NFKB1: variants seen among roughly 807,000 people sequenced by gnomAD.
NFKB1 encodes nuclear factor kappa B subunit 1, also known as nuclear factor NF-kappa-B p105 subunit.
Under a neutral mutation model 105.1 loss-of-function variants are expected in NFKB1, and 9 were observed. The ratio of observed to expected loss-of-function variants is 0.09; its 90% CI spans 0.05 to 0.15. The LOEUF (loss-of-function observed/expected upper bound fraction) is 0.15, where lower values mean the gene tolerates loss of function less well. Ranked by LOEUF, NFKB1 falls within the 10% of genes least tolerant of loss-of-function variation. NFKB1 has a pLI of 1.00. For missense variants in NFKB1, 830 were observed against 1,203.7 expected (o/e 0.69, Z 4.59); for synonymous variants, 440 against 442.2 (o/e 1.00, Z 0.06).
intron 11 of NFKB1, among the ~76,000 whole-genome samples, chr4:102,587,717 A>G (rs949315209): frequency 6.6e-6 from 1 of 152,150 alleles, no homozygotes; most frequent in African/African-American, 2.4e-5. Context: ...ATACTTACCC[A>G]TTGAGCTCTG....
At position 102,581,257 on chromosome 4, in the gene NFKB1, C is replaced by T. The variant is rs531347573; in HGVS notation, c.835+618C>T. Among the ~76,000 whole-genome samples, 9 of 152,230 alleles carry T rather than the reference C, an allele frequency of 5.9e-5. No individual in the cohort carries two copies. The South Asian group carries it at 8.3e-4, about 14-fold the overall frequency. On this transcript the variant is annotated intron_variant, in intron 9 of 23. Transcript: ENST00000226574. ...GAGGAAAATGTGTTATTTTCTCAAACTGCATTCTTTTTTTAAATAAAATGA... is the reference window on the plus strand; with the variant it reads ...GAGGAAAATGTGTTATTTTCTCAAATTGCATTCTTTTTTTAAATAAAATGA...
chr4:102,607,960 A>G (rs1238938809), intron 19 of NFKB1, among the ~76,000 whole-genome samples: 2 of 152,298 alleles, frequency 1.3e-5, no homozygotes, highest in East Asian at 3.9e-4. Flanking sequence ...TAGTCATTTT[A>G]GTTTTTACTT....
chr4:102,548,442 TG>T (rs1722308839), intron 5 of NFKB1, among the ~76,000 whole-genome samples: 1 of 151,784 alleles, frequency 6.6e-6, no homozygotes, highest in South Asian at 2.1e-4. Context: ...CGGGAGGAGG[TG>T]TAGTACTGGA....
In NFKB1 at chr4:102,582,794, T is replaced by G. The variant is rs1190467344; in HGVS notation, c.836-72T>G. On this transcript the variant is annotated intron_variant, in intron 9 of 23. Coordinates refer to ENST00000226574, the MANE Select transcript of NFKB1 (RefSeq NM_003998.4). ...TAGTAGGTAGAATATTAAACCAGTT[T>G]TATTTTTCAGCATGTTTATAAATAC... is the stretch of plus-strand genomic sequence containing the variant. 1.0e-5 allele frequency: 10 copies of G among 999,480 alleles called. No individual in the cohort carries two copies. The African/African-American group carries it at 1.6e-4, about 16-fold the overall frequency. The allele number at this position is 999,480 out of a possible 1,614,324, so 61.9% of individuals were successfully genotyped here.
chr4:102,539,886 T>C (rs1267029602), intron 5 of NFKB1, among the ~76,000 whole-genome samples: 1 of 152,010 alleles, frequency 6.6e-6, no homozygotes, highest in East Asian at 1.9e-4. Flanking sequence ...GGGCAGACAA[T>C]GGTGTAAAAA....
intron 5 of NFKB1, among the ~76,000 whole-genome samples, chr4:102,556,536 C>T (rs1723001773): frequency 1.3e-5 from 2 of 151,970 alleles, no homozygotes; most frequent in South Asian, 4.1e-4. Context: ...ATATCCCATT[C>T]CCAAAGAGGT....
chr4:102,556,110 G>T (rs1403724102), intron 5 of NFKB1, among the ~76,000 whole-genome samples: 1 of 152,122 alleles, frequency 6.6e-6, no homozygotes, highest in Non-Finnish European at 1.5e-5. Context: ...AGACAGAGAG[G>T]AATCCAAGAT....
At chr4:102,533,949 A>G in intron 4 of NFKB1, 64 bp downstream of exon 4, 1 of 1,371,040 alleles carries the variant, frequency 7.3e-7, no homozygotes, top group Admixed American at 2.0e-5. Flanking sequence ...GATCATAAGC[A>G]CTGAAGAATA....
intron 10 of NFKB1, 80 bp from the exon 11 acceptor site, chr4:102,584,602 A>G (rs1189743906): frequency 1.1e-5 from 15 of 1,348,132 alleles, no homozygotes; most frequent in Non-Finnish European, 1.4e-5. Context: ...AGCATAAGGA[A>G]TGTGTTTAAT....
At chr4:102,550,347 C>G (rs1722481191) in intron 5 of NFKB1, among the ~76,000 whole-genome samples, 1 of 152,112 alleles carries the variant, frequency 6.6e-6, no homozygotes, top group East Asian at 1.9e-4. Flanking sequence ...TCTAAGAAGT[C>G]CTAGTTCCTT....
At chr4:102,562,318 T>C (rs1723509494) in intron 5 of NFKB1, among the ~76,000 whole-genome samples, 1 of 152,208 alleles carries the variant, frequency 6.6e-6, no homozygotes, top group Admixed American at 6.5e-5. Flanking sequence ...ATCTCCTTTG[T>C]AAGCTCTTCT....
chr4:102,607,654 T>C lies in NFKB1; in HGVS notation c.2130T>C (p.Asp710=), dbSNP rs747718731. The C allele has an allele frequency of 1.9e-6, 3 of 1,614,050 alleles. No homozygotes were observed. The highest frequency in any genetic ancestry group is 2.5e-6 in the Non-Finnish European group (3 of 1,179,956). The change falls in exon 19 of 24, where the codon GAT becomes GAC. Residue 710 remains aspartate, a synonymous_variant. Coordinates refer to ENST00000226574, the MANE Select transcript of NFKB1 (RefSeq NM_003998.4). ...SLAGCLLLEG[D]AHVDSTTYDG... ...TTGTGTGGGCTGGATTGTAGGGTGA[T>C]GCCCATGTGGACAGTACTACCTACG...
intron 8 of NFKB1, 57 bp downstream of exon 8, chr4:102,579,096 T>A: frequency 6.5e-7 from 1 of 1,549,724 alleles, no homozygotes; most frequent in South Asian, 1.2e-5. Context: ...AGCCCTGCCC[T>A]GCCATTTACT....
chr4:102,609,611 CAAAAAAAAAAA>C (rs34646774), intron 19 of NFKB1, among the ~76,000 whole-genome samples: 1 of 64,262 alleles, frequency 1.6e-5, no homozygotes, highest in African/African-American at 6.1e-5. Context: ...GACTCCATCT[CAAAAAAAAAAA>C]AAAAAAAAAA....
intron 3 of NFKB1, among the ~76,000 whole-genome samples, chr4:102,533,137 A>G (rs904643274): frequency 2.6e-5 from 4 of 152,222 alleles, no homozygotes; most frequent in Admixed American, 6.5e-5. Context: ...ATAGCACAAT[A>G]TTCAAAATTG....
intron 16 of NFKB1, 127 bp downstream of exon 16, chr4:102,601,136 G>A: frequency 1.6e-6 from 1 of 613,618 alleles, no homozygotes. Flanking sequence ...ACCTTTGTAG[G>A]TAATATCTAA....
At chr4:102,516,733 T>C (rs1196452710) in intron 1 of NFKB1, among the ~76,000 whole-genome samples, 2 of 152,236 alleles carry the variant, frequency 1.3e-5, no homozygotes, top group African/African-American at 4.8e-5. Flanking sequence ...CCTATTTCTT[T>C]GCAGGCTTCA....
intron 5 of NFKB1, among the ~76,000 whole-genome samples, chr4:102,541,585 G>A (rs949324203): frequency 1.3e-5 from 2 of 152,168 alleles, no homozygotes; most frequent in African/African-American, 4.8e-5. Flanking sequence ...AAAGTGGAGA[G>A]TTAGGTCCAC....
At chr4:102,604,586 C>T (rs940490089) in intron 16 of NFKB1, among the ~76,000 whole-genome samples, 2 of 151,858 alleles carry the variant, frequency 1.3e-5, no homozygotes, top group Non-Finnish European at 2.9e-5. Flanking sequence ...TCTGCCTTCA[C>T]TGCTTATCCA....
Sources: allele counts gnomAD v4.1 joint callset (sites outside exome capture counted in the v4.1 genomes callset), GRCh38; gene constraint gnomAD v4.1.1; transcripts MANE v1.5; gene names NCBI Gene and HGNC (gene_info 2026-07-23, HGNC 2026-07-21).